ZNF341: variants seen among roughly 807,000 people sequenced by gnomAD.
The protein encoded by ZNF341 is zinc finger protein 341.
Under a neutral mutation model 87.7 loss-of-function variants are expected in ZNF341, and 52 were observed. The ratio of observed to expected loss-of-function variants is 0.59; its 90% CI spans 0.47 to 0.75. The LOEUF is 0.75. Among genes scored for constraint, ZNF341 ranks in the 30% least tolerant of loss-of-function variants. The pLI, the probability that ZNF341 is intolerant of heterozygous loss-of-function variation, is 0.00. For missense variants in ZNF341, 977 were observed against 1,145.9 expected, an observed-to-expected ratio of 0.85 and a Z score of 2.13; for synonymous variants, 459 against 472.7, an observed-to-expected ratio of 0.97 and a Z score of 0.38.
In ZNF341 at chr20:33,791,046, C is replaced by G; in HGVS notation, c.2094C>G (p.Leu698=). ...CSKSFSRRAH[L]AEHQRAHTGN... is the part of the protein sequence containing the mutation. ...AGTCCTTCAGCCGCCGTGCCCACCT[C>G]GCCGAGCATCAGCGCGCCCACACGG... The change falls in exon 15 of 15, where the codon CTC becomes CTG. Residue 698 remains leucine, a synonymous_variant. Coordinates refer to ENST00000375200, the MANE Select transcript of ZNF341 (RefSeq NM_001282933.2). 6.2e-7 allele frequency: 1 copy of G among 1,613,576 alleles called. No individual in the cohort carries two copies. The highest frequency in any genetic ancestry group is 8.5e-7 in the Non-Finnish European group (1 of 1,180,018).
rs973219680 is a variant in ZNF341 at position 33,732,484 on chromosome 20, C to T, written c.31+432C>T. On this transcript the variant is annotated intron_variant, in intron 1 of 14. Coordinates refer to ENST00000375200, the MANE Select transcript of ZNF341 (RefSeq NM_001282933.2). This position sits in a 1 kb window ranked among gnomAD's most constrained non-coding sequence, Gnocchi z 4.5. ...GCCTCGGCGGCCTGACCACGAAGAA[C>T]TTCTGCGGAGCGGACTGTATGCCTC... Among the ~76,000 whole-genome samples, 3 of 152,324 alleles carry T rather than the reference C, an allele frequency of 2.0e-5. No individual in the cohort carries two copies. Among genetic ancestry groups the T allele is most frequent in the African/African-American group, 7.2e-5 (3 of 41,590 alleles).
intron 9 of ZNF341, among the ~76,000 whole-genome samples, chr20:33,768,372 C>G (rs536891168): frequency 6.6e-6 from 1 of 151,908 alleles, no homozygotes; most frequent in Admixed American, 6.6e-5. Flanking sequence ...ATCCACCCAC[C>G]TCGGCCTCCC....
chr20:33,744,073 G>C (rs2018865592), intron 2 of ZNF341, among the ~76,000 whole-genome samples: 1 of 152,168 alleles, frequency 6.6e-6, no homozygotes, highest in African/African-American at 2.4e-5. Context: ...CTTGAGGTCA[G>C]GAAGTTCGAG....
At chr20:33,780,685 C>T (rs1158011022) in intron 10 of ZNF341, among the ~76,000 whole-genome samples, 4 of 151,396 alleles carry the variant, frequency 2.6e-5, no homozygotes, top group East Asian at 1.9e-4. Flanking sequence ...ACTGGGATTA[C>T]AGGTGTGAGT....
intron 10 of ZNF341, among the ~76,000 whole-genome samples, chr20:33,772,010 TAAA>T (rs57345366): frequency 0.027 from 1,520 of 56,136 alleles, 54 homozygotes; most frequent in African/African-American, 0.11. Context: ...ACGCTTGTCT[TAAA>T]AAAAAAAAAA....
At chr20:33,748,180 T>C (rs887332275) in intron 3 of ZNF341, among the ~76,000 whole-genome samples, 2 of 152,148 alleles carry the variant, frequency 1.3e-5, no homozygotes, top group Admixed American at 6.6e-5. Flanking sequence ...CAAGCGGTTC[T>C]CCTGCCTCAG....
chr20:33,762,453 T>G (rs1040762208), intron 8 of ZNF341, among the ~76,000 whole-genome samples: 2 of 152,012 alleles, frequency 1.3e-5, no homozygotes, highest in African/African-American at 4.8e-5. Flanking sequence ...AAATAAAAAT[T>G]TATGATCCCC....
chr20:33,733,137 C>A (rs1295823812), intron 1 of ZNF341, among the ~76,000 whole-genome samples: 1 of 152,036 alleles, frequency 6.6e-6, no homozygotes, highest in Non-Finnish European at 1.5e-5. Context: ...ACCTCCCCCT[C>A]CCAGGTTTGA....
At chr20:33,771,891 C>G (rs57660954) in intron 10 of ZNF341, among the ~76,000 whole-genome samples, 1 of 150,512 alleles carries the variant, frequency 6.6e-6, no homozygotes, top group Non-Finnish European at 1.5e-5. Context: ...GGCACGCACC[C>G]GTAGTCCCAG....
At chr20:33,749,224 T>C (rs1055524359) in intron 4 of ZNF341, 152 bp downstream of exon 4, 1 of 1,149,282 alleles carries the variant, frequency 8.7e-7, no homozygotes, top group East Asian at 2.6e-5. Context: ...AGCTCTGCTA[T>C]AGATGGGGAA....
intron 4 of ZNF341, chr20:33,752,656 T>TC (rs1239560713): frequency 1.4e-5 from 3 of 215,208 alleles, no homozygotes; most frequent in African/African-American, 2.5e-5. Context: ...TCTTTTCTTT[T>TC]TTTTTTTTTT....
chr20:33,752,350 A>G, intron 4 of ZNF341: 1 of 625,736 alleles, frequency 1.6e-6, no homozygotes, highest in Admixed American at 1.9e-5. Context: ...TGAGGCTGGT[A>G]TCAATGCACA....
At position 33,749,179 on chromosome 20, in the gene ZNF341, T is replaced by G. The variant is rs190646749; in HGVS notation, c.489+107T>G. 7.7e-3 allele frequency: 10,927 copies of G among 1,427,484 alleles called. 62 individuals carry two copies. The highest frequency in any genetic ancestry group is 9.1e-3 in the Non-Finnish European group (9,782 of 1,071,534). 88.4% of individuals were successfully genotyped at this position (1,427,484 alleles called of 1,614,324 possible). On this transcript the variant is annotated intron_variant, in intron 4 of 14. Transcript: ENST00000375200. ...AAGGGGGCCTGGCCCCAGCTCTCCCTGATGCTGAGGGAGGCTATCAGCTTT... is the reference window on the plus strand; with the variant it reads ...AAGGGGGCCTGGCCCCAGCTCTCCCGGATGCTGAGGGAGGCTATCAGCTTT...
intron 5 of ZNF341, among the ~76,000 whole-genome samples, chr20:33,756,365 TCTC>T: frequency 7.5e-6 from 1 of 134,152 alleles, no homozygotes; most frequent in South Asian, 2.5e-4. Flanking sequence ...GTTCTCTCTC[TCTC>T]TTTTTTTTTT....
intron 2 of ZNF341, among the ~76,000 whole-genome samples, chr20:33,741,357 T>G (rs2018797875): frequency 6.6e-6 from 1 of 152,060 alleles, no homozygotes; most frequent in Non-Finnish European, 1.5e-5. Context: ...GAGCATGAAT[T>G]GCTCCTGTTT....
At chr20:33,783,666 G>A in intron 11 of ZNF341, 66 bp from the exon 12 acceptor site, 1 of 1,609,722 alleles carries the variant, frequency 6.2e-7, no homozygotes, top group Non-Finnish European at 8.5e-7. Flanking sequence ...GAACCTTTGA[G>A]TTCAGAAGAT....
At chr20:33,741,407 TC>T (rs1400896461) in intron 2 of ZNF341, among the ~76,000 whole-genome samples, 5 of 151,324 alleles carry the variant, frequency 3.3e-5, no homozygotes, top group Admixed American at 2.0e-4. Flanking sequence ...TTTTTTTTTT[TC>T]TTTTTTTTCT....
chr20:33,746,252 A>G (rs1334888161), intron 3 of ZNF341, among the ~76,000 whole-genome samples: 2 of 44,092 alleles, frequency 4.5e-5, no homozygotes, highest in Non-Finnish European at 3.7e-5. Flanking sequence ...TTTTTTTTTG[A>G]GACGGAGTTT....
chr20:33,774,932 C>T (rs553474271), intron 10 of ZNF341, among the ~76,000 whole-genome samples: 86 of 152,232 alleles, frequency 5.6e-4, no homozygotes, highest in Non-Finnish European at 9.0e-4. Flanking sequence ...CCACTGCACT[C>T]GTGAGACCCT....
Sources: gnomAD v4.1 joint callset for allele counts (sites outside exome capture counted in the v4.1 genomes callset) on GRCh38, gnomAD v4.1.1 for gene constraint, Gnocchi (gnomAD v3.1) non-coding constraint, MANE v1.5 for transcripts, NCBI Gene and HGNC (gene_info 2026-07-23, HGNC 2026-07-21) for gene names.